The following LRP1B variants were observed in gnomAD, a reference collection of about 807,000 sequenced individuals.
LRP1B encodes the protein LDL receptor related protein 1B, also known as low-density lipoprotein receptor-related protein 1B.
Under a neutral mutation model 556.6 loss-of-function variants are expected in LRP1B, and 217 were observed. That is an observed-to-expected ratio of 0.39 (90% CI 0.35 to 0.44). The LOEUF (loss-of-function observed/expected upper bound fraction) is 0.44. Ranked by LOEUF, LRP1B falls within the 20% of genes least tolerant of loss-of-function variation. The pLI, the probability that LRP1B is intolerant of heterozygous loss-of-function variation, is 1.00. For synonymous variants in LRP1B, 2,047 were observed against 1,865.8 expected, an observed-to-expected ratio of 1.10 and a Z score of -2.50; for missense variants, 5,053 against 5,620.8, an observed-to-expected ratio of 0.90 and a Z score of 3.23.
chr2:140,545,489 C>T (rs1223764367), intron 43 of LRP1B, among the ~76,000 whole-genome samples: 1 of 152,084 alleles, frequency 6.6e-6, no homozygotes, highest in African/African-American at 2.4e-5. Context: ...GGTTCAGTTT[C>T]AATCTTCTGC....
chr2:140,523,251 A>G (rs114316248), intron 49 of LRP1B, among the ~76,000 whole-genome samples: 1 of 152,056 alleles, frequency 6.6e-6, no homozygotes, highest in Non-Finnish European at 1.5e-5. Flanking sequence ...ATGCAAATCA[A>G]TAAGTATGAT....
intron 2 of LRP1B, among the ~76,000 whole-genome samples, chr2:141,562,108 T>C (rs16846484): frequency 0.25 from 37,454 of 151,734 alleles, 5,217 homozygotes; most frequent in East Asian, 0.47. Flanking sequence ...AGAAACACTT[T>C]TAACATTGGG....
At chr2:140,982,138 A>G (rs563485128) in intron 18 of LRP1B, 22 bp downstream of exon 18, 2 of 1,556,500 alleles carry the variant, frequency 1.3e-6, no homozygotes, top group African/African-American at 1.4e-5. Flanking sequence ...TGTAATAATA[A>G]CATGTCTCAC....
At chr2:140,808,298 T>C (rs1269708435) in intron 32 of LRP1B, among the ~76,000 whole-genome samples, 2 of 151,104 alleles carry the variant, frequency 1.3e-5, no homozygotes, top group Non-Finnish European at 3.0e-5. Context: ...CTTGGAAAAT[T>C]AACCTTATCA....
chr2:140,939,416 C>T (rs1325316953), intron 20 of LRP1B, among the ~76,000 whole-genome samples: 7 of 150,362 alleles, frequency 4.7e-5, no homozygotes, highest in African/African-American at 1.7e-4. Flanking sequence ...GTATATTAAT[C>T]ATATTACACA....
At chr2:140,772,544 C>A (rs1689350056) in intron 33 of LRP1B, among the ~76,000 whole-genome samples, 1 of 151,956 alleles carries the variant, frequency 6.6e-6, no homozygotes, top group Non-Finnish European at 1.5e-5. Flanking sequence ...CCCTGACATC[C>A]AGTGATCCAT....
At chr2:141,849,950 T>G (rs754613497) in intron 1 of LRP1B, among the ~76,000 whole-genome samples, 6 of 151,690 alleles carry the variant, frequency 4.0e-5, no homozygotes, top group Non-Finnish European at 8.9e-5. Context: ...TAAGTTAATG[T>G]TTCACATGCT....
intron 41 of LRP1B, among the ~76,000 whole-genome samples, chr2:140,671,864 T>C (rs1319865930): frequency 1.3e-5 from 2 of 152,176 alleles, no homozygotes; most frequent in Non-Finnish European, 2.9e-5. Flanking sequence ...CTAATGCAGT[T>C]GTTCCTGGTT....
At chr2:140,902,579 A>C (rs776178816) in intron 23 of LRP1B, among the ~76,000 whole-genome samples, 2 of 152,128 alleles carry the variant, frequency 1.3e-5, no homozygotes. Context: ...TAGAAATAAC[A>C]ATTGGGAATG....
In LRP1B at chr2:141,152,560, T is replaced by C. The variant is rs143914383; in HGVS notation, c.1013+35861A>G. 1.3e-3 allele frequency among the ~76,000 whole-genome samples: 193 copies of C among 151,922 alleles called. 1 individual carries two copies. The highest frequency in any genetic ancestry group is 3.7e-3 in the African/African-American group (154 of 41,482). ...CATCTTGCTAGACTCCCAATAACTG[T>C]CCATGAGAATGTATACACCCTGGCT... is the stretch of plus-strand genomic sequence containing the variant. On this transcript the variant is annotated intron_variant, in intron 7 of 90. Transcript: ENST00000389484.
chr2:141,383,580 A>T (rs1689719041), intron 3 of LRP1B, among the ~76,000 whole-genome samples: 1 of 152,196 alleles, frequency 6.6e-6, no homozygotes, highest in Non-Finnish European at 1.5e-5. Context: ...TCAAAAATGT[A>T]TTTAATGCCT....
At chr2:141,266,500 T>C (rs1241711809) in intron 3 of LRP1B, among the ~76,000 whole-genome samples, 1 of 151,144 alleles carries the variant, frequency 6.6e-6, no homozygotes, top group African/African-American at 2.4e-5. Context: ...AATGTATAAA[T>C]TAAACAAAAA....
At position 141,568,927 on chromosome 2, in the gene LRP1B, T is replaced by C. The variant is rs564294958; in HGVS notation, c.206-88394A>G. On this transcript the variant is annotated intron_variant, in intron 2 of 90. Transcript: ENST00000389484. ...TGCCACCATGCCCAGTTAATTTTTT[T>C]TTTTTTGTATTTATATTTGTAGTAG... 5.7e-4 allele frequency among the ~76,000 whole-genome samples: 85 copies of C among 150,018 alleles called. 5 individuals carry two copies. The Middle Eastern group carries it at 0.01, about 18-fold the overall frequency.
intron 1 of LRP1B, among the ~76,000 whole-genome samples, chr2:141,961,456 T>A (rs1701402339): frequency 6.6e-6 from 1 of 151,702 alleles, no homozygotes; most frequent in African/African-American, 2.4e-5. Flanking sequence ...GTGAGTTTTT[T>A]AAAAAGGACA....
At chr2:140,870,012 C>CAT (rs1693076436) in intron 25 of LRP1B, among the ~76,000 whole-genome samples, 1 of 152,062 alleles carries the variant, frequency 6.6e-6, no homozygotes, top group South Asian at 2.1e-4. Flanking sequence ...GCCCCAAACA[C>CAT]AAGGGAGGGA....
intron 7 of LRP1B, among the ~76,000 whole-genome samples, chr2:141,086,724 A>G (rs1700056037): frequency 6.6e-6 from 1 of 152,008 alleles, no homozygotes; most frequent in Non-Finnish European, 1.5e-5. Flanking sequence ...TATGAGGATC[A>G]CCACATTGCT....
intron 59 of LRP1B, among the ~76,000 whole-genome samples, chr2:140,483,869 G>A (rs1688358103): frequency 6.6e-6 from 1 of 151,656 alleles, no homozygotes; most frequent in Admixed American, 6.6e-5. Flanking sequence ...TCGAACTCCT[G>A]ACCTCAAGTG....
At chr2:141,572,673 A>G (rs949065005) in intron 2 of LRP1B, among the ~76,000 whole-genome samples, 1 of 152,190 alleles carries the variant, frequency 6.6e-6, no homozygotes, top group African/African-American at 2.4e-5. Context: ...GGTGTGCTGT[A>G]TTGAGGAAAC....
rs1680969322 is a variant in LRP1B at position 140,334,472 on chromosome 2, C to T, written c.12204G>A (p.Lys4068=). ...TCATACCTGTGGGTCTCTGTAAGTT[C>T]TTTTGTACTAAAATCCTTCTCAGTG... The part of the protein sequence containing the change: ...DGTLRRILVQ[K]NLQRPTGLAV... The change falls in exon 79 of 91, where the codon AAG becomes AAA. Residue 4068 remains lysine, a synonymous_variant. Coordinates refer to ENST00000389484, the MANE Select transcript of LRP1B (RefSeq NM_018557.3). 1 of 1,609,396 alleles carries T rather than the reference C, an allele frequency of 6.2e-7. No individual in the cohort carries two copies. The highest frequency in any genetic ancestry group is 1.3e-5 in the African/African-American group (1 of 74,662).
Sources: gnomAD v4.1 joint callset for allele counts (sites outside exome capture counted in the v4.1 genomes callset) on GRCh38, gnomAD v4.1.1 for gene constraint, MANE v1.5 for transcripts, NCBI Gene and HGNC (gene_info 2026-07-23, HGNC 2026-07-21) for gene names.